Variants in NCOA3 observed in about 807,000 individuals in gnomAD.
NCOA3 encodes the protein CBP-interacting protein.
In NCOA3, 51 loss-of-function variants were observed where a neutral mutation model predicts 158.8. That is an observed-to-expected ratio of 0.32 (90% CI 0.26 to 0.41). The LOEUF (loss-of-function observed/expected upper bound fraction) is 0.41, where lower values mean the gene tolerates loss of function less well. Ranked by LOEUF, NCOA3 falls within the 10% of genes least tolerant of loss-of-function variation. The pLI is 1.00. For missense variants in NCOA3, 1,510 were observed against 1,746.6 expected (o/e 0.86, Z 2.41); for synonymous variants, 537 against 592.4 (o/e 0.91, Z 1.36).
Position 47,652,968 on chromosome 20 carries a change from C to T in NCOA3, c.4159C>T (p.Pro1387Ser). The change falls in exon 22 of 23, where the codon CCT becomes TCT. Residue 1387 changes from proline (P) to serine (S), a missense_variant. Transcript: ENST00000371998. The stretch of plus-strand genomic sequence containing the variant: ...GCAGCAGTTTGCCCACCAGGGGAAT[C>T]CTGCAGTGTATAGTATGGTGCACAT... ...SQQQFAHQGN[P>S]AVYSMVHMNG... 1 of 1,614,174 alleles carries T rather than the reference C, an allele frequency of 6.2e-7. No homozygotes were observed. The highest frequency in any genetic ancestry group is 8.5e-7 in the Non-Finnish European group (1 of 1,180,006).
intron 1 of NCOA3, among the ~76,000 whole-genome samples, chr20:47,570,617 C>T (rs575170065): frequency 3.9e-5 from 6 of 152,216 alleles, no homozygotes; most frequent in Non-Finnish European, 5.9e-5. Context: ...TTGGAATCAA[C>T]GTCTTTCAGA....
intron 22 of NCOA3, 141 bp downstream of exon 22, chr20:47,653,213 G>A: frequency 8.0e-7 from 1 of 1,244,786 alleles, no homozygotes. Flanking sequence ...AAAAAACTTG[G>A]TTTGAAGGCA....
chr20:47,609,993 A>G (rs1171141829), intron 2 of NCOA3, among the ~76,000 whole-genome samples: 1 of 152,176 alleles, frequency 6.6e-6, no homozygotes, highest in Non-Finnish European at 1.5e-5. Flanking sequence ...GAGAGGGTCA[A>G]GGGTTTTATT....
At chr20:47,527,368 C>CT (rs1041296739) in intron 1 of NCOA3, among the ~76,000 whole-genome samples, 2 of 151,828 alleles carry the variant, frequency 1.3e-5, no homozygotes, top group Admixed American at 6.6e-5. Context: ...GTGTCAGCTT[C>CT]TTTTTTTTCT....
chr20:47,566,710 C>T (rs1029544463), intron 1 of NCOA3, among the ~76,000 whole-genome samples: 4 of 151,942 alleles, frequency 2.6e-5, no homozygotes, highest in South Asian at 4.2e-4. Flanking sequence ...CAGGTTTTGC[C>T]GTGTGCCCAG....
At position 47,531,291 on chromosome 20, in the gene NCOA3, C is replaced by T. The variant is rs538633047; in HGVS notation, c.-99+29272C>T. ...GAGGCAGAGGCTGCATGCAGTGAGC[C>T]GAGATTGTGCCACTGTACTCCAGCC... On this transcript the variant is annotated intron_variant, in intron 1 of 22. Transcript: ENST00000371998. 3.9e-5 allele frequency among the ~76,000 whole-genome samples: 6 copies of T among 152,174 alleles called. No homozygotes were observed. In the South Asian group the frequency reaches 8.3e-4, roughly 21 times the overall value.
chr20:47,613,325 C>A (rs112244582), intron 2 of NCOA3, among the ~76,000 whole-genome samples: 1 of 148,026 alleles, frequency 6.8e-6, no homozygotes. Flanking sequence ...TGTGTTCAAA[C>A]GATTCCTTCT....
intron 1 of NCOA3, among the ~76,000 whole-genome samples, chr20:47,578,879 T>C (rs1212406215): frequency 6.6e-6 from 1 of 152,206 alleles, no homozygotes; most frequent in African/African-American, 2.4e-5. Context: ...ATATGATTAA[T>C]TGTAGAATCC....
chr20:47,545,012 TG>T (rs1252874098), intron 1 of NCOA3, among the ~76,000 whole-genome samples: 1 of 152,154 alleles, frequency 6.6e-6, no homozygotes, highest in Non-Finnish European at 1.5e-5. Context: ...AGTTAAAAGC[TG>T]GCTTGGTGAT....
At chr20:47,589,638 G>A (rs192926804) in intron 2 of NCOA3, among the ~76,000 whole-genome samples, 48 of 152,140 alleles carry the variant, frequency 3.2e-4, no homozygotes, top group Middle Eastern at 3.4e-3. Context: ...ACCTCCCAAA[G>A]TTCTGGGATT....
chr20:47,541,794 C>A (rs544165229), intron 1 of NCOA3, among the ~76,000 whole-genome samples: 1 of 151,984 alleles, frequency 6.6e-6, no homozygotes, highest in Admixed American at 6.6e-5. Context: ...TACATTATTA[C>A]ATCTAGAAAA....
At position 47,653,612 on chromosome 20, in the gene NCOA3, C is replaced by G. The variant is rs572909502; in HGVS notation, c.*195C>G. The G allele has an allele frequency of 3.0e-4, 198 of 660,906 alleles. 2 individuals are homozygous for G. Among genetic ancestry groups the G allele is most frequent in the Non-Finnish European group, 8.2e-5 (31 of 379,638 alleles). 40.9% of individuals were successfully genotyped at this position (660,906 alleles called of 1,614,324 possible). On this transcript the variant is annotated 3_prime_UTR_variant, in exon 23 of 23. Transcript: ENST00000371998. ...CGAAGGGCAATATCTACGTGTTTTTCCCCCCTCCTTCTGCTGTGTATCATG... is the reference window on the plus strand; with the variant it reads ...CGAAGGGCAATATCTACGTGTTTTTGCCCCCTCCTTCTGCTGTGTATCATG...
At position 47,651,195 on chromosome 20, in the gene NCOA3, TC is replaced by T. The variant is rs766034755; in HGVS notation, c.3870del (p.Ser1291AlafsTer45). The T allele has an allele frequency of 6.2e-7, 1 of 1,613,794 alleles. No individual in the cohort carries two copies. The highest frequency in any genetic ancestry group is 8.5e-7 in the Non-Finnish European group (1 of 1,179,906). On this transcript the variant is annotated frameshift_variant, in exon 20 of 23. Transcript: ENST00000371998. LOFTEE classifies it high-confidence loss of function. ...CAGCCCACCTCCTAATGTGACTGCT[TC>T]CCCCAGCATGGATGGGCTTTTGGCA... The part of the protein sequence containing the change: ...AFSPPPNVTA[S>X]PSMDGLLAGP...
At chr20:47,576,679 A>G (rs996648632) in intron 1 of NCOA3, among the ~76,000 whole-genome samples, 1 of 152,214 alleles carries the variant, frequency 6.6e-6, no homozygotes, top group Non-Finnish European at 1.5e-5. Flanking sequence ...CTGGTAGCCA[A>G]TGAGTTAATG....
At chr20:47,505,031 C>CTTTTTTTTTT (rs2084008449) in intron 1 of NCOA3, among the ~76,000 whole-genome samples, 1 of 6,518 alleles carries the variant, frequency 1.5e-4, no homozygotes. Flanking sequence ...TTTTTTTTTG[C>CTTTTTTTTTT]GGGCAGGGGC....
At chr20:47,652,063 T>TGTCA (rs2086803813) in intron 20 of NCOA3, among the ~76,000 whole-genome samples, 1 of 152,122 alleles carries the variant, frequency 6.6e-6, no homozygotes, top group Non-Finnish European at 1.5e-5. Context: ...TGGGGAGCCC[T>TGTCA]GTCATCTGAG....
chr20:47,514,702 T>G (rs972496421), intron 1 of NCOA3, among the ~76,000 whole-genome samples: 68 of 150,554 alleles, frequency 4.5e-4, no homozygotes, highest in Non-Finnish European at 8.4e-4. Context: ...TTTGTTTTGT[T>G]TTGTTTTTTG....
chr20:47,626,104 G>T (rs1204224302), intron 5 of NCOA3, among the ~76,000 whole-genome samples: 4 of 152,188 alleles, frequency 2.6e-5, no homozygotes, highest in Admixed American at 2.6e-4. Context: ...GACATTTTTG[G>T]TGAATTTTTG....
At chr20:47,572,489 C>T (rs992228186) in intron 1 of NCOA3, among the ~76,000 whole-genome samples, 2 of 151,982 alleles carry the variant, frequency 1.3e-5, no homozygotes, top group Non-Finnish European at 2.9e-5. Context: ...TCAGCCTCAG[C>T]TTTTTGACAT....
Sources: gnomAD v4.1 joint callset for allele counts (sites outside exome capture counted in the v4.1 genomes callset) on GRCh38, gnomAD v4.1.1 for gene constraint, MANE v1.5 for transcripts, NCBI Gene and HGNC (gene_info 2026-07-23, HGNC 2026-07-21) for gene names.